The following ERG variants were observed in gnomAD, a reference collection of about 807,000 sequenced individuals.
ERG encodes the protein transcriptional regulator ERG.
ERG carries 9 observed loss-of-function variants against 55.3 expected under a neutral mutation model. That is an observed-to-expected ratio of 0.16 (90% confidence interval 0.10 to 0.28). The LOEUF is 0.28. Ranked by LOEUF, ERG falls within the 10% of genes least tolerant of loss-of-function variation. The pLI is 1.00. For missense variants in ERG, 434 were observed against 631.6 expected (o/e 0.69, Z 3.35); for synonymous variants, 223 against 237.3 (o/e 0.94, Z 0.55).
At chr21:38,593,346 G>A (rs766222827) in intron 1 of ERG, among the ~76,000 whole-genome samples, 94 of 152,300 alleles carry the variant, frequency 6.2e-4, no homozygotes, top group Non-Finnish European at 1.1e-3. Context: ...ACATTTACCA[G>A]GGATTTTTTC....
At chr21:38,437,579 C>T (rs763760367) in intron 2 of ERG, among the ~76,000 whole-genome samples, 1 of 152,176 alleles carries the variant, frequency 6.6e-6, no homozygotes, top group Non-Finnish European at 1.5e-5. Context: ...GTTCCTGTCC[C>T]CAGTGTCTGG....
chr21:38,624,000 A>T (rs1026262305), intron 1 of ERG, among the ~76,000 whole-genome samples: 5 of 152,200 alleles, frequency 3.3e-5, no homozygotes, highest in Non-Finnish European at 5.9e-5. Context: ...CATTCCTGAG[A>T]TGTTTTCCAT....
intron 2 of ERG, among the ~76,000 whole-genome samples, chr21:38,437,384 G>A (rs963170032): frequency 9.9e-5 from 15 of 152,160 alleles, no homozygotes; most frequent in African/African-American, 2.2e-4. Flanking sequence ...GGATGTCCCC[G>A]GCCTCTACCC....
chr21:38,569,752 T>C (rs985111166), intron 2 of ERG, among the ~76,000 whole-genome samples: 4 of 152,196 alleles, frequency 2.6e-5, no homozygotes, highest in Non-Finnish European at 5.9e-5. Flanking sequence ...TGTGGTTTTT[T>C]TTCCTTATTT....
chr21:38,623,321 CCACACA>C (rs5843921), intron 1 of ERG, among the ~76,000 whole-genome samples: 60 of 148,226 alleles, frequency 4.0e-4, no homozygotes, highest in African/African-American at 9.9e-4. Flanking sequence ...CACATACGCA[CCACACA>C]CACACACACA....
chr21:38,641,727 T>A (rs1002692212), intron 1 of ERG, among the ~76,000 whole-genome samples: 2 of 145,672 alleles, frequency 1.4e-5, no homozygotes, highest in African/African-American at 4.9e-5. Context: ...TGAAAATTAG[T>A]GTGAAAAAAA....
chr21:38,460,210 G>T lies in ERG; in HGVS notation c.19-14589C>A, dbSNP rs962336739. On this transcript the variant is annotated intron_variant, in intron 1 of 9. Transcript: ENST00000288319. The surrounding 1 kb of genome is among the most constrained non-coding windows in gnomAD (Gnocchi z 5.0). ...GGACCAAGAACAGCCAGGGAGGAGG[G>T]GTTACTGGAAAGGAGCGAAAGAAAG... is the stretch of plus-strand genomic sequence containing the variant. Among the ~76,000 whole-genome samples, 1 of 152,108 alleles carries T rather than the reference G, an allele frequency of 6.6e-6. No individual in the cohort carries two copies. Among genetic ancestry groups the T allele is most frequent in the Non-Finnish European group, 1.5e-5 (1 of 68,024 alleles).
At chr21:38,449,051 C>G (rs111250432) in intron 1 of ERG, 1 of 152,244 alleles carries the variant, frequency 6.6e-6, no homozygotes, top group Non-Finnish European at 1.5e-5. Context: ...CCAAGGTAGG[C>G]AGCTGCCTTA....
intron 1 of ERG, among the ~76,000 whole-genome samples, chr21:38,447,800 T>C (rs2058905692): frequency 6.6e-6 from 1 of 152,054 alleles, no homozygotes; most frequent in African/African-American, 2.4e-5. Flanking sequence ...TTCCTGGGCC[T>C]GAGACTCGAC....
intron 1 of ERG, chr21:38,451,021 T>C: frequency 4.6e-6 from 2 of 432,400 alleles, no homozygotes; most frequent in South Asian, 1.7e-5. Flanking sequence ...GACTGGCCAC[T>C]ACCTGGCTGT....
intron 2 of ERG, among the ~76,000 whole-genome samples, chr21:38,521,800 A>T (rs944190159): frequency 3.9e-5 from 6 of 152,230 alleles, no homozygotes; most frequent in African/African-American, 1.2e-4. Context: ...TTAACTTAGC[A>T]ATTAAGATCA....
At chr21:38,391,802 T>A in intron 7 of ERG, 87 bp from the exon 8 acceptor site, 1 of 1,101,572 alleles carries the variant, frequency 9.1e-7, no homozygotes. Context: ...TTCTATCAGT[T>A]AATTTAGTTA....
intron 2 of ERG, among the ~76,000 whole-genome samples, chr21:38,554,245 G>C (rs1376357099): frequency 2.6e-5 from 4 of 152,194 alleles, no homozygotes; most frequent in Non-Finnish European, 4.4e-5. Context: ...ATGTAAATTA[G>C]TTCAGACACT....
rs573640308 is a variant in ERG at position 38,429,742 on chromosome 21, T to C, written c.237-6181A>G. Among the ~76,000 whole-genome samples, 855 of 105,848 alleles carry C rather than the reference T, an allele frequency of 8.1e-3. 14 individuals carry two copies. Among genetic ancestry groups the C allele is most frequent in the East Asian group, 0.016 (57 of 3,630 alleles). The allele number at this position is 105,848 out of a possible 152,430, so 69.4% of individuals were successfully genotyped here. A position where few individuals can be genotyped will look rare whatever the true frequency, so the allele number is the denominator to read the frequency against. On this transcript the variant is annotated intron_variant, in intron 2 of 9. Coordinates refer to ENST00000288319, the MANE Select transcript of ERG (RefSeq NM_182918.4). The stretch of plus-strand genomic sequence containing the variant: ...ATGTCTATATATATGTGTGTATATA[T>C]ATATACACACACACACACACACCAC...
At chr21:38,384,574 T>TA (rs1292509758) in intron 9 of ERG, among the ~76,000 whole-genome samples, 6 of 141,934 alleles carry the variant, frequency 4.2e-5, no homozygotes, top group East Asian at 1.9e-4. Flanking sequence ...GAGCTATATA[T>TA]TTTTTTTTCC....
chr21:38,448,089 A>T (rs1011475004), intron 1 of ERG, among the ~76,000 whole-genome samples: 5 of 149,436 alleles, frequency 3.3e-5, no homozygotes, highest in Non-Finnish European at 5.9e-5. Flanking sequence ...TTTGAATAAT[A>T]AAAAAAAGAC....
intron 1 of ERG, among the ~76,000 whole-genome samples, chr21:38,449,323 C>T (rs1340922637): frequency 1.3e-5 from 2 of 152,168 alleles, no homozygotes; most frequent in Non-Finnish European, 2.9e-5. Context: ...CTACCAAGCT[C>T]ATTTTTAAAT....
chr21:38,441,116 T>C (rs529156962), intron 2 of ERG, among the ~76,000 whole-genome samples: 3 of 152,240 alleles, frequency 2.0e-5, no homozygotes, highest in East Asian at 3.9e-4. Flanking sequence ...GCAGCAGCGG[T>C]GAACTGGCCC....
intron 1 of ERG, among the ~76,000 whole-genome samples, chr21:38,458,654 C>A (rs746153742): frequency 6.6e-6 from 1 of 152,160 alleles, no homozygotes; most frequent in Non-Finnish European, 1.5e-5. Context: ...GTTTCACTCA[C>A]GTCAGTGTCT....
Sources: gnomAD v4.1 joint callset for allele counts (sites outside exome capture counted in the v4.1 genomes callset) on GRCh38, gnomAD v4.1.1 for gene constraint, Gnocchi (gnomAD v3.1) non-coding constraint, MANE v1.5 for transcripts, NCBI Gene and HGNC (gene_info 2026-07-23, HGNC 2026-07-21) for gene names.